The following SAMD5 variants were observed in gnomAD, a reference collection of about 807,000 sequenced individuals.
The protein encoded by SAMD5 is sterile alpha motif domain-containing protein 5.
Under a neutral mutation model 11.3 loss-of-function variants are expected in SAMD5, and 13 were observed. That is an observed-to-expected ratio of 1.15 (90% CI 0.75 to 1.83). The LOEUF (loss-of-function observed/expected upper bound fraction) is 1.83. Among genes scored for constraint, SAMD5 ranks in the 40% most tolerant of loss-of-function variants. SAMD5 has a pLI of 0.00. For synonymous variants in SAMD5, 129 were observed against 111.3 expected, an observed-to-expected ratio of 1.16 and a Z score of -1.00; for missense variants, 255 against 239.1, an observed-to-expected ratio of 1.07 and a Z score of -0.44.
intron 1 of SAMD5, among the ~76,000 whole-genome samples, chr6:147,629,970 A>T: frequency 1.6e-5 from 2 of 127,308 alleles, no homozygotes; most frequent in Non-Finnish European, 1.6e-5. Flanking sequence ...TTTTTTTGAG[A>T]TGGAGTTTCG....
At chr6:147,847,165 T>G in the SAMD5 span, among the ~76,000 whole-genome samples, 1 of 152,140 alleles carries the variant, frequency 6.6e-6, no homozygotes, top group African/African-American at 2.4e-5. Context: ...CCTCTCTTCC[T>G]CCTTCCTTCC....
At chr6:147,938,587 G>A in the SAMD5 span, among the ~76,000 whole-genome samples, 1 of 152,166 alleles carries the variant, frequency 6.6e-6, no homozygotes, top group African/African-American at 2.4e-5. Context: ...CTACCCACAA[G>A]GGAAGGCCTT....
Position 147,568,945 on chromosome 6 carries a change from G to A in SAMD5, c.*4489G>A. ...AATGGTAGGTAGTTCAGAAAAAAAT[G>A]GCTGGGCACGGTGGCTCACGCCTGT... On this transcript the variant is annotated 3_prime_UTR_variant, in exon 2 of 2. Transcript: ENST00000367474. 1 of 971,036 alleles carries A rather than the reference G, an allele frequency of 1.0e-6. No individual in the cohort carries two copies. The highest frequency in any genetic ancestry group is 1.8e-5 in the African/African-American group (1 of 57,036). 60.2% of individuals were successfully genotyped at this position (971,036 alleles called of 1,614,324 possible). A position where few individuals can be genotyped will look rare whatever the true frequency, so the allele number is the denominator to read the frequency against.
At chr6:147,804,357 G>T in the SAMD5 span, among the ~76,000 whole-genome samples, 2 of 152,106 alleles carry the variant, frequency 1.3e-5, no homozygotes, top group South Asian at 4.2e-4. Context: ...TGATCCACCT[G>T]CCTCAGCCTC....
chr6:147,669,012 G>A lies in SAMD5; in HGVS notation c.163-68305G>A, dbSNP rs936739488. Among the ~76,000 whole-genome samples, 6 of 152,108 alleles carry A rather than the reference G, an allele frequency of 3.9e-5. No homozygotes were observed. The East Asian group carries it at 5.8e-4, about 15-fold the overall frequency. ...TTTTTGCTGGAGGAGGGTCTTGCCC[G>A]ATCTTGGTGGCTGCTGACTGATCAG... On this transcript the variant is annotated intron_variant, in intron 1 of 1. Transcript: ENST00000566741.
the SAMD5 span, among the ~76,000 whole-genome samples, chr6:147,770,270 A>AAT: frequency 1.3e-5 from 2 of 152,120 alleles, no homozygotes; most frequent in Non-Finnish European, 2.9e-5. Context: ...TTTAAAAAAA[A>AAT]TCTAGTGTCG....
the SAMD5 span, among the ~76,000 whole-genome samples, chr6:147,817,916 C>T: frequency 6.6e-6 from 1 of 152,198 alleles, no homozygotes; most frequent in African/African-American, 2.4e-5. Flanking sequence ...AGTTTCTAAG[C>T]TTGTGTCTAG....
the SAMD5 span, among the ~76,000 whole-genome samples, chr6:147,806,406 A>T: frequency 2.0e-5 from 3 of 152,168 alleles, no homozygotes; most frequent in African/African-American, 7.2e-5. Flanking sequence ...CAGAGTAAAA[A>T]CACAATAGAT....
At chr6:147,687,125 G>A (rs558115614) in intron 1 of SAMD5, among the ~76,000 whole-genome samples, 1 of 152,114 alleles carries the variant, frequency 6.6e-6, no homozygotes, top group African/African-American at 2.4e-5. Flanking sequence ...GTGCACACAT[G>A]CACACATTTT....
chr6:147,550,738 A>T (rs1274374922), intron 1 of SAMD5, among the ~76,000 whole-genome samples: 1 of 152,154 alleles, frequency 6.6e-6, no homozygotes, highest in African/African-American at 2.4e-5. Flanking sequence ...AATAACAGAC[A>T]TTGGAGACTC....
chr6:147,904,152 A>G, the SAMD5 span, among the ~76,000 whole-genome samples: 1 of 152,138 alleles, frequency 6.6e-6, no homozygotes, highest in Admixed American at 6.5e-5. Flanking sequence ...ACTGCCAGCT[A>G]TTCACTAACA....
the SAMD5 span, among the ~76,000 whole-genome samples, chr6:147,804,542 T>A: frequency 6.6e-6 from 1 of 152,198 alleles, no homozygotes; most frequent in Admixed American, 6.5e-5. Context: ...AATAAATGAA[T>A]GTTTTACTGC....
chr6:147,723,513 G>A (rs1324049127), intron 1 of SAMD5, among the ~76,000 whole-genome samples: 1 of 152,162 alleles, frequency 6.6e-6, no homozygotes, highest in Non-Finnish European at 1.5e-5. Flanking sequence ...TCAAGTGGCA[G>A]CCAGTTACCT....
the SAMD5 span, among the ~76,000 whole-genome samples, chr6:147,779,172 C>T: frequency 6.6e-6 from 1 of 152,068 alleles, no homozygotes; most frequent in South Asian, 2.1e-4. Flanking sequence ...CATATACACA[C>T]ACACATTATT....
chr6:147,750,289 T>C, the SAMD5 span, among the ~76,000 whole-genome samples: 1 of 152,236 alleles, frequency 6.6e-6, no homozygotes, highest in Non-Finnish European at 1.5e-5. Flanking sequence ...ATGTGCATCT[T>C]TTTAGATGAA....
intron 1 of SAMD5, among the ~76,000 whole-genome samples, chr6:147,607,753 T>G (rs1789724282): frequency 6.6e-6 from 1 of 152,098 alleles, no homozygotes; most frequent in Non-Finnish European, 1.5e-5. Context: ...TGAGCAATAC[T>G]CCACAAGCAC....
At chr6:147,800,773 A>G in the SAMD5 span, among the ~76,000 whole-genome samples, 7 of 152,354 alleles carry the variant, frequency 4.6e-5, no homozygotes, top group South Asian at 2.1e-4. Context: ...ATGATGAATC[A>G]AATCCATAAA....
intron 1 of SAMD5, among the ~76,000 whole-genome samples, chr6:147,624,440 A>T (rs1790020584): frequency 6.6e-6 from 1 of 152,152 alleles, no homozygotes; most frequent in Non-Finnish European, 1.5e-5. Flanking sequence ...TAAAAACGTT[A>T]CGTTTCATAG....
the SAMD5 span, among the ~76,000 whole-genome samples, chr6:147,776,476 G>A: frequency 0.019 from 2,826 of 152,208 alleles, 94 homozygotes; most frequent in African/African-American, 0.065. Flanking sequence ...CAAGCCCTGA[G>A]AATACTTAAA....
Sources: allele counts gnomAD v4.1 joint callset (sites outside exome capture counted in the v4.1 genomes callset), GRCh38; gene constraint gnomAD v4.1.1; transcripts MANE v1.5; gene names NCBI Gene and HGNC (gene_info 2026-07-23, HGNC 2026-07-21).